The following MNAT1 variants were observed in gnomAD, a reference collection of about 807,000 sequenced individuals.
The protein encoded by MNAT1 is CDK-activating kinase assembly factor MAT1.
A neutral mutation model predicts 42.0 loss-of-function variants in MNAT1; 43 were observed. The ratio of observed to expected loss-of-function variants is 1.02; its 90% CI spans 0.80 to 1.32. MNAT1 has a LOEUF of 1.32. MNAT1 is among the 40% of genes most tolerant of loss of function. MNAT1 has a pLI of 0.00. For missense variants in MNAT1, 306 were observed against 350.4 expected, an observed-to-expected ratio of 0.87 and a Z score of 1.01; for synonymous variants, 118 against 120.0, an observed-to-expected ratio of 0.98 and a Z score of 0.11.
chr14:60,814,122 G>A (rs1026441155), intron 5 of MNAT1, among the ~76,000 whole-genome samples: 10 of 152,002 alleles, frequency 6.6e-5, no homozygotes, highest in Admixed American at 6.6e-4. Context: ...CTAATAATGA[G>A]CTCATTTTGG....
chr14:60,781,069 G>C (rs1055647260), intron 1 of MNAT1, among the ~76,000 whole-genome samples: 1 of 152,114 alleles, frequency 6.6e-6, no homozygotes, highest in Non-Finnish European at 1.5e-5. Context: ...TTGCTGTGTA[G>C]CTCCTTTTGA....
At chr14:60,754,428 A>G (rs1172265130) in intron 1 of MNAT1, among the ~76,000 whole-genome samples, 1 of 150,958 alleles carries the variant, frequency 6.6e-6, no homozygotes, top group East Asian at 1.9e-4. Flanking sequence ...GCTCACTGCA[A>G]CCTCCGCCTC....
chr14:60,883,049 C>T (rs573645162), intron 7 of MNAT1, among the ~76,000 whole-genome samples: 9 of 151,866 alleles, frequency 5.9e-5, no homozygotes, highest in East Asian at 1.9e-4. Flanking sequence ...CTTTGTTCAT[C>T]GATTTCTTCG....
intron 6 of MNAT1, among the ~76,000 whole-genome samples, chr14:60,869,490 C>T (rs552393468): frequency 6.6e-6 from 1 of 152,194 alleles, no homozygotes; most frequent in South Asian, 2.1e-4. Flanking sequence ...CAGACAATTA[C>T]ACAGAGTTTA....
At chr14:60,749,056 T>G (rs1340586476) in intron 1 of MNAT1, among the ~76,000 whole-genome samples, 1 of 152,228 alleles carries the variant, frequency 6.6e-6, no homozygotes, top group Non-Finnish European at 1.5e-5. Flanking sequence ...TATTATAATC[T>G]TAAGGAACAG....
intron 7 of MNAT1, among the ~76,000 whole-genome samples, chr14:60,929,297 C>A (rs1311718569): frequency 6.8e-6 from 1 of 148,032 alleles, no homozygotes. Flanking sequence ...TGATGAAATT[C>A]AGCTTACCAA....
At chr14:60,836,260 G>C (rs2033386021) in intron 6 of MNAT1, among the ~76,000 whole-genome samples, 1 of 152,068 alleles carries the variant, frequency 6.6e-6, no homozygotes, top group Non-Finnish European at 1.5e-5. Flanking sequence ...CTCATTCTCT[G>C]TCCAGTTTGT....
chr14:60,880,941 A>G (rs1361193309), intron 7 of MNAT1, among the ~76,000 whole-genome samples: 2 of 152,228 alleles, frequency 1.3e-5, no homozygotes, highest in Non-Finnish European at 1.5e-5. Context: ...ATTGCGTTTT[A>G]TAATGTAAAA....
At chr14:60,928,772 T>A (rs1323850718) in intron 7 of MNAT1, among the ~76,000 whole-genome samples, 1 of 152,002 alleles carries the variant, frequency 6.6e-6, no homozygotes, top group Non-Finnish European at 1.5e-5. Flanking sequence ...AAAAAAAGAA[T>A]GTCATTTTAC....
chr14:60,876,593 T>A (rs2034441028), intron 6 of MNAT1, among the ~76,000 whole-genome samples: 1 of 152,064 alleles, frequency 6.6e-6, no homozygotes, highest in Admixed American at 6.6e-5. Flanking sequence ...CCCATGTTCC[T>A]AGTCTATGGT....
chr14:60,885,948 T>TG (rs1476249734), intron 7 of MNAT1, among the ~76,000 whole-genome samples: 2 of 152,026 alleles, frequency 1.3e-5, no homozygotes, highest in Non-Finnish European at 2.9e-5. Flanking sequence ...TTTAATATGG[T>TG]GTATGATAAG....
intron 1 of MNAT1, among the ~76,000 whole-genome samples, chr14:60,746,925 C>T (rs8013288): frequency 0.48 from 2,011 of 4,154 alleles, 169 homozygotes; most frequent in East Asian, 0.54. Context: ...TATATATATA[C>T]ACACACACAC....
chr14:60,755,538 A>C (rs1009086840), intron 1 of MNAT1, among the ~76,000 whole-genome samples: 1 of 152,180 alleles, frequency 6.6e-6, no homozygotes, highest in African/African-American at 2.4e-5. Context: ...CGTCCTCCCA[A>C]AGTGTTGGGA....
At chr14:60,867,631 T>C (rs1255213303) in intron 6 of MNAT1, among the ~76,000 whole-genome samples, 1 of 152,140 alleles carries the variant, frequency 6.6e-6, no homozygotes, top group Non-Finnish European at 1.5e-5. Flanking sequence ...TTTTATGTAT[T>C]TTTATGATAC....
At chr14:60,799,571 A>G (rs1049948552) in intron 3 of MNAT1, among the ~76,000 whole-genome samples, 3 of 152,168 alleles carry the variant, frequency 2.0e-5, no homozygotes, top group Non-Finnish European at 2.9e-5. Flanking sequence ...CATGGTCACA[A>G]TTACAAGCAG....
chr14:60,952,991 G>T (rs779587127), intron 7 of MNAT1, among the ~76,000 whole-genome samples: 1 of 151,974 alleles, frequency 6.6e-6, no homozygotes, highest in Non-Finnish European at 1.5e-5. Context: ...AGCATTTCAC[G>T]GCCAGGGGCT....
intron 7 of MNAT1, among the ~76,000 whole-genome samples, chr14:60,955,219 C>T (rs1206240555): frequency 6.6e-6 from 1 of 152,086 alleles, no homozygotes; most frequent in African/African-American, 2.4e-5. Flanking sequence ...ATGCAGGCCT[C>T]ATAAAATAAG....
chr14:60,765,252 T>C (rs138320426), intron 1 of MNAT1, among the ~76,000 whole-genome samples: 2 of 152,104 alleles, frequency 1.3e-5, no homozygotes, highest in Non-Finnish European at 2.9e-5. Flanking sequence ...ATCGTGCCAC[T>C]GCACTCCAGC....
chr14:60,852,927 C>G (rs147368764), intron 6 of MNAT1, among the ~76,000 whole-genome samples: 165 of 152,262 alleles, frequency 1.1e-3, no homozygotes, highest in Admixed American at 3.5e-3. Flanking sequence ...TTAACAGTAT[C>G]ATGCTGTTTT....
Sources: gnomAD v4.1 joint callset for allele counts (sites outside exome capture counted in the v4.1 genomes callset) on GRCh38, gnomAD v4.1.1 for gene constraint, MANE v1.5 for transcripts, NCBI Gene and HGNC (gene_info 2026-07-23, HGNC 2026-07-21) for gene names.